Variants in LRP1B observed in about 807,000 individuals in gnomAD.
LRP1B encodes LDL receptor related protein 1B, also known as low-density lipoprotein receptor-related protein 1B.
LRP1B carries 217 observed loss-of-function variants against 556.6 expected under a neutral mutation model. That is an observed-to-expected ratio of 0.39 (90% CI 0.35 to 0.44). LRP1B has a LOEUF of 0.44. Among genes scored for constraint, LRP1B ranks in the 20% least tolerant of loss-of-function variants. LRP1B has a pLI of 1.00. For missense variants in LRP1B, 5,053 were observed against 5,620.8 expected, an observed-to-expected ratio of 0.90 and a Z score of 3.23; for synonymous variants, 2,047 against 1,865.8, an observed-to-expected ratio of 1.10 and a Z score of -2.50.
chr2:141,577,290 T>C (rs930275155), intron 2 of LRP1B, among the ~76,000 whole-genome samples: 2 of 152,092 alleles, frequency 1.3e-5, no homozygotes, highest in Non-Finnish European at 2.9e-5. Context: ...GCTGTATGAT[T>C]TGGGGGATTA....
rs573949038 is a variant in LRP1B, at chr2:140,722,202, A to G, written c.5759-5386T>C. 1.4e-4 allele frequency among the ~76,000 whole-genome samples: 21 copies of G among 152,274 alleles called. 1 individual carries two copies. Among genetic ancestry groups the G allele is most frequent in the African/African-American group, 4.8e-4 (20 of 41,562 alleles). ...TCTGTTGAAAGTGTCTTCCTTTTCCATGGTGTGAAAATGCCACAAATTATT... is the reference window on the plus strand; with the variant it reads ...TCTGTTGAAAGTGTCTTCCTTTTCCGTGGTGTGAAAATGCCACAAATTATT... On this transcript the variant is annotated intron_variant, in intron 35 of 90. Transcript: ENST00000389484.
intron 21 of LRP1B, among the ~76,000 whole-genome samples, chr2:140,909,920 CA>C (rs1694366582): frequency 6.7e-6 from 1 of 150,206 alleles, no homozygotes; most frequent in Non-Finnish European, 1.5e-5. Flanking sequence ...TATACAAATC[CA>C]AAATTCTACA....
intron 8 of LRP1B, among the ~76,000 whole-genome samples, chr2:141,061,356 G>T (rs1051788046): frequency 6.6e-6 from 1 of 151,722 alleles, no homozygotes; most frequent in Non-Finnish European, 1.5e-5. Flanking sequence ...CAGCTCCATA[G>T]ACTAAGAATC....
At chr2:140,509,083 A>ACACAAACAC (rs1558931371) in intron 52 of LRP1B, among the ~76,000 whole-genome samples, 18 of 148,902 alleles carry the variant, frequency 1.2e-4, no homozygotes, top group Non-Finnish European at 2.5e-4. Flanking sequence ...CACACACACA[A>ACACAAACAC]ACACACACAC....
intron 74 of LRP1B, 120 bp downstream of exon 74, chr2:140,357,859 A>G: frequency 8.8e-7 from 1 of 1,135,906 alleles, no homozygotes; most frequent in Non-Finnish European, 1.2e-6. Context: ...GTTTTTGAAA[A>G]AGGGCATCAG....
In LRP1B at chr2:141,169,210, T is replaced by C. The variant is rs568739386; in HGVS notation, c.1013+19211A>G. Among the ~76,000 whole-genome samples the C allele has an allele frequency of 5.9e-5, 9 of 151,318 alleles. 1 individual carries two copies. Among genetic ancestry groups the C allele is most frequent in the Admixed American group, 4.6e-4 (7 of 15,148 alleles). The stretch of plus-strand genomic sequence containing the variant: ...CTGAGGTAGGACAATCACTGGAACC[T>C]GGGAGGTGAAGGTTGCAGTGAGCCG... On this transcript the variant is annotated intron_variant, in intron 7 of 90. Coordinates refer to ENST00000389484, the MANE Select transcript of LRP1B (RefSeq NM_018557.3).
chr2:140,377,854 A>G (rs1451250072), intron 68 of LRP1B, among the ~76,000 whole-genome samples: 1 of 152,190 alleles, frequency 6.6e-6, no homozygotes, highest in Non-Finnish European at 1.5e-5. Flanking sequence ...CCTGACTATA[A>G]ATACTGCAGC....
intron 31 of LRP1B, among the ~76,000 whole-genome samples, chr2:140,836,635 A>G (rs1274299723): frequency 6.6e-6 from 1 of 152,082 alleles, no homozygotes; most frequent in African/African-American, 2.4e-5. Flanking sequence ...GGCAAGGGAG[A>G]CTTCATCTGC....
At chr2:140,536,490 C>A (rs1690978802) in intron 46 of LRP1B, 91 bp downstream of exon 46, 1 of 1,200,530 alleles carries the variant, frequency 8.3e-7, no homozygotes, top group Non-Finnish European at 1.2e-6. Flanking sequence ...AATAAATTAT[C>A]CACGTAAACC....
chr2:141,294,915 G>A (rs575044292), intron 3 of LRP1B, among the ~76,000 whole-genome samples: 19 of 151,844 alleles, frequency 1.3e-4, no homozygotes, highest in South Asian at 1.0e-3. Context: ...AAAATTGCTT[G>A]TTATTTATTT....
chr2:140,499,929 T>C (rs1055522735), intron 55 of LRP1B, among the ~76,000 whole-genome samples: 3 of 151,906 alleles, frequency 2.0e-5, no homozygotes, highest in African/African-American at 7.2e-5. Context: ...CCTGCAATCA[T>C]TCTAAAACAC....
At chr2:140,866,496 A>G (rs1466205182) in intron 27 of LRP1B, among the ~76,000 whole-genome samples, 1 of 152,114 alleles carries the variant, frequency 6.6e-6, no homozygotes, top group Non-Finnish European at 1.5e-5. Context: ...AATTAAAGTT[A>G]TTGCTCACCT....
intron 20 of LRP1B, among the ~76,000 whole-genome samples, chr2:140,923,930 T>G (rs781185173): frequency 2.0e-4 from 30 of 152,194 alleles, no homozygotes; most frequent in South Asian, 6.2e-4. Flanking sequence ...TTGAATTACA[T>G]GACTAATCTG....
At chr2:140,641,008 G>T (rs961495320) in intron 41 of LRP1B, among the ~76,000 whole-genome samples, 2 of 152,166 alleles carry the variant, frequency 1.3e-5, no homozygotes, top group Non-Finnish European at 2.9e-5. Context: ...ATACAGTCAT[G>T]CATTGTCATT....
At chr2:140,526,203 G>T (rs779744715) in intron 48 of LRP1B, 34 bp downstream of exon 48, 2 of 1,585,384 alleles carry the variant, frequency 1.3e-6, no homozygotes, top group South Asian at 1.1e-5. Context: ...AAGTGCCCAA[G>T]CATAAACAGA....
chr2:141,250,907 A>G lies in LRP1B; in HGVS notation c.464-3553T>C, dbSNP rs183401370. On this transcript the variant is annotated intron_variant, in intron 4 of 90. Coordinates refer to ENST00000389484, the MANE Select transcript of LRP1B (RefSeq NM_018557.3). Reference sequence around the variant, plus strand: ...TGGCATGTTAAAAAATCCCCAGCGGAGGGGTAACATAAGGGTTTCAATATA... The same window carrying G: ...TGGCATGTTAAAAAATCCCCAGCGGGGGGGTAACATAAGGGTTTCAATATA... 5.4e-3 allele frequency among the ~76,000 whole-genome samples: 815 copies of G among 152,288 alleles called. 9 individuals carry two copies. Among genetic ancestry groups the G allele is most frequent in the African/African-American group, 0.017 (691 of 41,566 alleles).
intron 82 of LRP1B, among the ~76,000 whole-genome samples, chr2:140,320,784 T>C (rs930511068): frequency 1.3e-5 from 2 of 152,082 alleles, no homozygotes; most frequent in Non-Finnish European, 2.9e-5. Context: ...GGTTCATGCC[T>C]GTAATCCCAG....
chr2:141,732,139 A>G (rs1226456493), intron 2 of LRP1B, among the ~76,000 whole-genome samples: 1 of 152,264 alleles, frequency 6.6e-6, no homozygotes, highest in East Asian at 1.9e-4. Context: ...GCAACTATCC[A>G]TCTTACTAAG....
intron 11 of LRP1B, among the ~76,000 whole-genome samples, chr2:141,034,106 T>C (rs892194196): frequency 2.0e-5 from 3 of 152,152 alleles, no homozygotes; most frequent in South Asian, 2.1e-4. Flanking sequence ...TAGTTTTTAT[T>C]AGGATCATGG....
Sources: allele counts gnomAD v4.1 joint callset (sites outside exome capture counted in the v4.1 genomes callset), GRCh38; gene constraint gnomAD v4.1.1; transcripts MANE v1.5; gene names NCBI Gene and HGNC (gene_info 2026-07-23, HGNC 2026-07-21).